SETD3: variants seen among roughly 807,000 people sequenced by gnomAD.
The protein encoded by SETD3 is SET domain containing 3, actin N3(tau)-histidine methyltransferase, also known as actin-histidine N-methyltransferase.
In SETD3, 19 loss-of-function variants were observed where a neutral mutation model predicts 63.0. That is an observed-to-expected ratio of 0.30 (90% CI 0.21 to 0.44). The LOEUF (loss-of-function observed/expected upper bound fraction) is 0.44, where lower values mean the gene tolerates loss of function less well. Ranked by LOEUF, SETD3 falls within the 20% of genes least tolerant of loss-of-function variation. The pLI is 1.00. For synonymous variants in SETD3, 286 were observed against 264.1 expected (o/e 1.08, Z -0.80); for missense variants, 587 against 728.5 (o/e 0.81, Z 2.24).
intron 1 of SETD3, among the ~76,000 whole-genome samples, chr14:99,480,311 G>A (rs1025406267): frequency 6.6e-6 from 1 of 152,052 alleles, no homozygotes; most frequent in Non-Finnish European, 1.5e-5. Context: ...AGCGCGAGGG[G>A]CCCGGGCCCC....
chr14:99,461,477 T>C, intron 3 of SETD3, 137 bp from the exon 4 acceptor site: 1 of 820,802 alleles, frequency 1.2e-6, no homozygotes, highest in East Asian at 2.5e-5. Context: ...TCAAAACTAA[T>C]CACCAGATGG....
chr14:99,448,310 ACAGTGG>A (rs914599573), intron 6 of SETD3, among the ~76,000 whole-genome samples: 5 of 152,162 alleles, frequency 3.3e-5, no homozygotes, highest in African/African-American at 7.2e-5. Context: ...ATCCACTGTC[ACAGTGG>A]CAGTGGCAGT....
chr14:99,452,221 C>T (rs1894502392), intron 6 of SETD3, among the ~76,000 whole-genome samples: 1 of 152,146 alleles, frequency 6.6e-6, no homozygotes, highest in Non-Finnish European at 1.5e-5. Context: ...ATTCTCCTGC[C>T]TCACCCTCCC....
chr14:99,448,718 A>G (rs1410096850), intron 6 of SETD3, among the ~76,000 whole-genome samples: 1 of 152,172 alleles, frequency 6.6e-6, no homozygotes, highest in Non-Finnish European at 1.5e-5. Context: ...CCCCTCAGTC[A>G]GCAGATGCAA....
intron 1 of SETD3, among the ~76,000 whole-genome samples, chr14:99,479,493 T>C (rs1038709056): frequency 6.6e-6 from 1 of 152,352 alleles, no homozygotes; most frequent in Middle Eastern, 3.4e-3. Flanking sequence ...TTTGCTATAT[T>C]CTTGGGTTAA....
At chr14:99,430,886 A>G (rs1164044531) in intron 6 of SETD3, among the ~76,000 whole-genome samples, 1 of 152,236 alleles carries the variant, frequency 6.6e-6, no homozygotes, top group Non-Finnish European at 1.5e-5. Flanking sequence ...GACATGGGGC[A>G]GGTCCTAAAT....
chr14:99,480,873 G>C (rs1485515926), upstream of SETD3: 1 of 155,068 alleles, frequency 6.4e-6, no homozygotes, highest in Non-Finnish European at 1.4e-5. Flanking sequence ...ACGGCCCCGC[G>C]ACCGCGGCCC....
chr14:99,428,773 A>T (rs1893020086), intron 6 of SETD3, among the ~76,000 whole-genome samples: 1 of 152,196 alleles, frequency 6.6e-6, no homozygotes, highest in African/African-American at 2.4e-5. Flanking sequence ...GGTGGCCTCT[A>T]GCAACTGCCA....
chr14:99,486,442 C>T, the SETD3 span, among the ~76,000 whole-genome samples: 1 of 152,204 alleles, frequency 6.6e-6, no homozygotes, highest in East Asian at 1.9e-4. Flanking sequence ...TCCATCCCTC[C>T]ATCCGTCAAC....
intron 2 of SETD3, among the ~76,000 whole-genome samples, chr14:99,464,960 T>A (rs1420778245): frequency 6.6e-6 from 1 of 151,910 alleles, no homozygotes; most frequent in Admixed American, 6.6e-5. Flanking sequence ...CTGGGCAACA[T>A]GGCAAAACCT....
chr14:99,424,069 A>C (rs1048681352), intron 6 of SETD3, among the ~76,000 whole-genome samples: 2 of 152,224 alleles, frequency 1.3e-5, no homozygotes, highest in South Asian at 4.1e-4. Flanking sequence ...TAGTTTAATC[A>C]GTGCAGATCT....
intron 6 of SETD3, among the ~76,000 whole-genome samples, chr14:99,452,765 G>C (rs915243133): frequency 2.6e-5 from 4 of 152,178 alleles, no homozygotes; most frequent in Non-Finnish European, 5.9e-5. Flanking sequence ...GAACTGAATT[G>C]TGCTTGCTGT....
Position 99,402,609 on chromosome 14 carries a change from C to A in SETD3, c.1177+1616G>T, listed in dbSNP as rs186778789. 1.9e-4 allele frequency among the ~76,000 whole-genome samples: 29 copies of A among 152,276 alleles called. No individual in the cohort carries two copies. In the East Asian group the frequency reaches 4.1e-3, roughly 21 times the overall value. On this transcript the variant is annotated intron_variant, in intron 11 of 12. Coordinates refer to ENST00000331768, the MANE Select transcript of SETD3 (RefSeq NM_032233.3). ...CTTTATACTCTTCCCCCACTCCCCA[C>A]CCACCTGGGTCTCACTCTGTCACCC...
At chr14:99,478,149 G>C (rs1048632704) in intron 1 of SETD3, among the ~76,000 whole-genome samples, 1 of 152,132 alleles carries the variant, frequency 6.6e-6, no homozygotes, top group Non-Finnish European at 1.5e-5. Context: ...ATAAGGGTAG[G>C]TAATTGAGAA....
At chr14:99,439,613 A>G (rs889400404) in intron 6 of SETD3, among the ~76,000 whole-genome samples, 2 of 147,974 alleles carry the variant, frequency 1.4e-5, no homozygotes, top group Admixed American at 1.4e-4. Context: ...TATGTATTAA[A>G]TATATAAACA....
intron 6 of SETD3, among the ~76,000 whole-genome samples, chr14:99,432,199 G>C (rs1392395322): frequency 6.6e-6 from 1 of 152,096 alleles, no homozygotes; most frequent in Non-Finnish European, 1.5e-5. Context: ...CTTCTACCTG[G>C]CAAATGTCCA....
In SETD3 at chr14:99,404,290, T is replaced by G. The variant is rs758913140; in HGVS notation, c.1112A>C (p.His371Pro). The change falls in exon 11 of 13, where the codon CAT becomes CCT. Residue 371 changes from histidine to proline, a missense_variant. Transcript: ENST00000331768. ...GIPTSSVFAL[H>P]FTEPPISAQL... The stretch of plus-strand genomic sequence containing the variant: ...AGCAGAGATGGGCGGCTCGGTAAAA[T>G]GCAATGCAAAAACACTGGAACTGAT... 1 of 1,614,058 alleles carries G rather than the reference T, an allele frequency of 6.2e-7. No individual in the cohort carries two copies. Among genetic ancestry groups the G allele is most frequent in the South Asian group, 1.1e-5 (1 of 91,074 alleles).
chr14:99,471,641 G>A (rs923777481), intron 1 of SETD3, among the ~76,000 whole-genome samples: 3 of 152,060 alleles, frequency 2.0e-5, no homozygotes, highest in Admixed American at 2.0e-4. Context: ...GCAAAATCCT[G>A]TCTCAAAAAA....
chr14:99,460,908 A>G (rs1895029658), intron 4 of SETD3, among the ~76,000 whole-genome samples: 1 of 152,208 alleles, frequency 6.6e-6, no homozygotes, highest in Non-Finnish European at 1.5e-5. Context: ...ATCTTTAGGT[A>G]AATCTCAAAA....
Sources: allele counts gnomAD v4.1 joint callset (sites outside exome capture counted in the v4.1 genomes callset), GRCh38; gene constraint gnomAD v4.1.1; transcripts MANE v1.5; gene names NCBI Gene and HGNC (gene_info 2026-07-23, HGNC 2026-07-21).